Variants in EPHB1 observed in about 807,000 individuals in gnomAD.
EPHB1 encodes ephrin type-B receptor 1.
EPHB1 carries 30 observed loss-of-function variants against 94.4 expected under a neutral mutation model. The ratio of observed to expected loss-of-function variants is 0.32; its 90% confidence interval spans 0.24 to 0.43. The LOEUF (loss-of-function observed/expected upper bound fraction) is 0.43, where lower values mean the gene tolerates loss of function less well. EPHB1 is among the 20% of genes least tolerant of loss of function. The probability of loss-of-function intolerance (pLI) is 1.00; values close to 1 mark genes in which losing one functional copy is unlikely to be tolerated. For synonymous variants in EPHB1, 522 were observed against 489.1 expected (o/e 1.07, Z -0.89); for missense variants, 1,055 against 1,308.3 (o/e 0.81, Z 2.99).
At chr3:135,101,536 G>A (rs1029011773) in intron 3 of EPHB1, among the ~76,000 whole-genome samples, 3 of 151,230 alleles carry the variant, frequency 2.0e-5, no homozygotes, top group Admixed American at 6.6e-5. Flanking sequence ...ATGACGCCCA[G>A]CTAATTTTTT....
intron 1 of EPHB1, among the ~76,000 whole-genome samples, chr3:134,919,800 A>G (rs370664039): frequency 3.2e-4 from 48 of 151,980 alleles, no homozygotes; most frequent in African/African-American, 1.1e-3. Context: ...GTATTATTTA[A>G]TATATCCCAC....
At chr3:135,031,210 A>C (rs1325823668) in intron 3 of EPHB1, among the ~76,000 whole-genome samples, 3 of 152,188 alleles carry the variant, frequency 2.0e-5, no homozygotes, top group Non-Finnish European at 2.9e-5. Flanking sequence ...AGAGCTGTAG[A>C]CTGGAGCTGT....
intron 2 of EPHB1, among the ~76,000 whole-genome samples, chr3:134,949,848 T>A (rs1375551805): frequency 6.6e-6 from 1 of 152,142 alleles, no homozygotes; most frequent in African/African-American, 2.4e-5. Context: ...CCTTAACTCC[T>A]TTTCTCCAAG....
chr3:135,086,710 C>G (rs561781391), intron 3 of EPHB1, among the ~76,000 whole-genome samples: 1 of 152,130 alleles, frequency 6.6e-6, no homozygotes, highest in African/African-American at 2.4e-5. Context: ...TCTCCCCACC[C>G]CTCTATATGC....
Position 135,040,414 on chromosome 3 carries a change from G to T in EPHB1, c.806-66034G>T, listed in dbSNP as rs79728695. On this transcript the variant is annotated intron_variant, in intron 3 of 15. Transcript: ENST00000398015. ...CATGCAGTGTGACATCCTCAGAGCA[G>T]CCTGGCTTGTCCTCTTGGGGACCTG... Among the ~76,000 whole-genome samples, 1,441 of 152,312 alleles carry T rather than the reference G, an allele frequency of 9.5e-3. 80 individuals carry two copies. The East Asian group carries it at 0.17, about 18-fold the overall frequency.
chr3:134,899,169 C>T (rs1337116101), intron 1 of EPHB1, among the ~76,000 whole-genome samples: 1 of 152,100 alleles, frequency 6.6e-6, no homozygotes, highest in African/African-American at 2.4e-5. Flanking sequence ...CAGGGCAATT[C>T]CCAGGAGTAG....
intron 2 of EPHB1, among the ~76,000 whole-genome samples, chr3:134,946,997 C>A (rs1177261168): frequency 2.0e-5 from 3 of 152,194 alleles, no homozygotes; most frequent in South Asian, 2.1e-4. Flanking sequence ...ATCCGTTGCA[C>A]CCCCGTGCTT....
chr3:135,199,170 T>C (rs1360123938), intron 11 of EPHB1, among the ~76,000 whole-genome samples: 1 of 152,222 alleles, frequency 6.6e-6, no homozygotes, highest in Non-Finnish European at 1.5e-5. Context: ...GGAGACATTC[T>C]GTATGTGTAG....
intron 12 of EPHB1, among the ~76,000 whole-genome samples, chr3:135,226,350 A>G (rs545896368): frequency 2.0e-5 from 3 of 152,206 alleles, no homozygotes; most frequent in African/African-American, 7.2e-5. Context: ...TTATCACAGT[A>G]CCTCTGAGCT....
At chr3:134,952,209 T>C (rs1176626368) in intron 3 of EPHB1, among the ~76,000 whole-genome samples, 157 bp downstream of exon 3, 1 of 152,210 alleles carries the variant, frequency 6.6e-6, no homozygotes, top group Non-Finnish European at 1.5e-5. Flanking sequence ...GGCCTGATGA[T>C]TTTCCAATCA....
chr3:134,964,747 C>T (rs1285972275), intron 3 of EPHB1, among the ~76,000 whole-genome samples: 1 of 152,192 alleles, frequency 6.6e-6, no homozygotes, highest in East Asian at 1.9e-4. Flanking sequence ...AATTTGTCTA[C>T]TCTATTTTCT....
intron 15 of EPHB1, among the ~76,000 whole-genome samples, chr3:135,254,894 T>G (rs1933304785): frequency 6.6e-6 from 1 of 152,148 alleles, no homozygotes; most frequent in Non-Finnish European, 1.5e-5. Context: ...CAATTTCAGA[T>G]CCTGTTATTG....
intron 2 of EPHB1, among the ~76,000 whole-genome samples, chr3:134,941,321 C>T (rs1430519656): frequency 6.7e-6 from 1 of 148,566 alleles, no homozygotes; most frequent in Non-Finnish European, 1.5e-5. Flanking sequence ...GCTCAACCAT[C>T]TCACTAATCA....
At chr3:134,926,538 C>T (rs553925573) in intron 2 of EPHB1, among the ~76,000 whole-genome samples, 58 of 152,200 alleles carry the variant, frequency 3.8e-4, no homozygotes, top group Non-Finnish European at 6.8e-4. Context: ...CCTGGAAAGA[C>T]GTTCTAAGTA....
In EPHB1 at chr3:135,162,082, TG is replaced by T; in HGVS notation, c.1488del (p.Arg497GlyfsTer30). 1 of 1,613,714 alleles carries T rather than the reference TG, an allele frequency of 6.2e-7. No homozygotes were observed. Among genetic ancestry groups the T allele is most frequent in the Non-Finnish European group, 8.5e-7 (1 of 1,179,716 alleles). ...SQTNTARIDG[L>X]RPGMVYVVQV... ...ACCAACACAGCAAGGATTGATGGGCTGCGGCCTGGCATGGTATATGTGGTAC... is the reference window on the plus strand; with the variant it reads ...ACCAACACAGCAAGGATTGATGGGCTCGGCCTGGCATGGTATATGTGGTAC... On this transcript the variant is annotated frameshift_variant, in exon 7 of 16. Transcript: ENST00000398015. LOFTEE classifies it high-confidence loss of function.
intron 12 of EPHB1, among the ~76,000 whole-genome samples, chr3:135,230,811 T>C (rs1943516286): frequency 6.6e-6 from 1 of 152,208 alleles, no homozygotes; most frequent in African/African-American, 2.4e-5. Context: ...TAAGTGAGAA[T>C]GTGTGATATT....
At chr3:135,230,126 A>G (rs1374480680) in intron 12 of EPHB1, among the ~76,000 whole-genome samples, 1 of 152,206 alleles carries the variant, frequency 6.6e-6, no homozygotes, top group Non-Finnish European at 1.5e-5. Flanking sequence ...TGCCATTGTC[A>G]GAGAAGCAAT....
At chr3:134,956,004 C>T (rs1036631081) in intron 3 of EPHB1, among the ~76,000 whole-genome samples, 2 of 151,966 alleles carry the variant, frequency 1.3e-5, no homozygotes, top group Non-Finnish European at 2.9e-5. Context: ...CCAGGGAGGC[C>T]GAGTTGGCTC....
chr3:135,243,074 CAAA>C (rs397933477), intron 13 of EPHB1, among the ~76,000 whole-genome samples: 1,454 of 98,304 alleles, frequency 0.015, 28 homozygotes, highest in African/African-American at 0.057. Context: ...GACCCTGTCT[CAAA>C]AAAAAAAAAA....
Sources: gnomAD v4.1 joint callset for allele counts (sites outside exome capture counted in the v4.1 genomes callset) on GRCh38, gnomAD v4.1.1 for gene constraint, MANE v1.5 for transcripts, NCBI Gene and HGNC (gene_info 2026-07-23, HGNC 2026-07-21) for gene names.